The following EPB41L2 variants were observed in gnomAD, a reference collection of about 807,000 sequenced individuals.
EPB41L2 encodes band 4.1-like protein 2.
A neutral mutation model predicts 113.0 loss-of-function variants in EPB41L2; 43 were observed. The observed-to-expected ratio is 0.38, with a 90% CI of 0.30 to 0.49. EPB41L2 has a LOEUF of 0.49. EPB41L2 is among the 20% of genes least tolerant of loss of function. EPB41L2 has a pLI of 0.95. For synonymous variants in EPB41L2, 442 were observed against 436.7 expected (o/e 1.01, Z -0.15); for missense variants, 1,147 against 1,223.4 (o/e 0.94, Z 0.93).
At chr6:130,865,467 G>A (rs1200500999) in intron 17 of EPB41L2, 69 bp downstream of exon 17, 5 of 1,478,004 alleles carry the variant, frequency 3.4e-6, no homozygotes, top group Non-Finnish European at 3.8e-6. Flanking sequence ...CAGGAAGAGA[G>A]AAACAATTCA....
At chr6:130,980,320 T>C (rs1273144509) in intron 1 of EPB41L2, among the ~76,000 whole-genome samples, 1 of 152,094 alleles carries the variant, frequency 6.6e-6, no homozygotes, top group Admixed American at 6.6e-5. Context: ...TAGGCTGTTT[T>C]TGTTTGGTGC....
chr6:130,941,411 C>A (rs557712954), intron 3 of EPB41L2, among the ~76,000 whole-genome samples: 1 of 152,138 alleles, frequency 6.6e-6, no homozygotes, highest in Non-Finnish European at 1.5e-5. Flanking sequence ...GAAGCGCACA[C>A]CAAATTTTTT....
At chr6:130,890,265 A>T in intron 11 of EPB41L2, 29 bp downstream of exon 11, 2 of 1,584,174 alleles carry the variant, frequency 1.3e-6, no homozygotes, top group South Asian at 1.2e-5. Context: ...AAGATGAATG[A>T]AAATCAAAAT....
intron 1 of EPB41L2, among the ~76,000 whole-genome samples, chr6:130,997,135 A>G (rs1338006286): frequency 6.6e-6 from 1 of 152,210 alleles, no homozygotes; most frequent in East Asian, 1.9e-4. Context: ...ACACTGTTAC[A>G]TTAGAGGACT....
chr6:130,931,225 A>C (rs1806721033), intron 3 of EPB41L2, among the ~76,000 whole-genome samples: 1 of 152,176 alleles, frequency 6.6e-6, no homozygotes, highest in Admixed American at 6.5e-5. Context: ...AAATTAATAA[A>C]ATTTATTAAT....
At chr6:130,927,588 C>T (rs1805197040) in intron 3 of EPB41L2, among the ~76,000 whole-genome samples, 2 of 152,156 alleles carry the variant, frequency 1.3e-5, no homozygotes, top group Admixed American at 1.3e-4. Context: ...ACTTTTCCAT[C>T]CTCAAAACGA....
chr6:130,887,599 G>A (rs950278994), intron 11 of EPB41L2, among the ~76,000 whole-genome samples: 4 of 152,130 alleles, frequency 2.6e-5, no homozygotes, highest in Non-Finnish European at 4.4e-5. Flanking sequence ...CCTTCTCTCT[G>A]TTCCAGGAAT....
intron 3 of EPB41L2, among the ~76,000 whole-genome samples, chr6:130,942,384 T>C (rs1392219195): frequency 1.3e-5 from 2 of 152,094 alleles, no homozygotes; most frequent in African/African-American, 2.4e-5. Flanking sequence ...ACAAAAACTA[T>C]GTCAGTAACA....
intron 1 of EPB41L2, among the ~76,000 whole-genome samples, chr6:130,963,934 G>A (rs1190303986): frequency 6.6e-6 from 1 of 152,084 alleles, no homozygotes; most frequent in Non-Finnish European, 1.5e-5. Context: ...AGAAATCTTG[G>A]TGAACTGCAT....
At chr6:131,051,610 T>C (rs918956652) in intron 1 of EPB41L2, among the ~76,000 whole-genome samples, 1 of 152,016 alleles carries the variant, frequency 6.6e-6, no homozygotes, top group African/African-American at 2.4e-5. Context: ...ACTGTTTTGG[T>C]GGGGGGCCTA....
At chr6:131,017,475 GT>G (rs1193729311) in intron 1 of EPB41L2, among the ~76,000 whole-genome samples, 1 of 151,952 alleles carries the variant, frequency 6.6e-6, no homozygotes, top group Non-Finnish European at 1.5e-5. Context: ...CATATTCACA[GT>G]TTTTTTGTAT....
At chr6:130,898,786 T>C (rs1334315081) in intron 8 of EPB41L2, among the ~76,000 whole-genome samples, 8 of 152,112 alleles carry the variant, frequency 5.3e-5, no homozygotes, top group Non-Finnish European at 2.9e-5. Context: ...GTTTCTCAAA[T>C]CCCCCCTTAA....
intron 5 of EPB41L2, among the ~76,000 whole-genome samples, chr6:130,904,803 G>A (rs954917562): frequency 2.0e-5 from 3 of 151,868 alleles, no homozygotes; most frequent in African/African-American, 7.3e-5. Flanking sequence ...ACCTCAACAT[G>A]TGTTTTATAT....
intron 6 of EPB41L2, 30 bp downstream of exon 6, chr6:130,904,435 G>A (rs761090689): frequency 1.4e-6 from 2 of 1,461,624 alleles, no homozygotes; most frequent in African/African-American, 1.4e-5. Flanking sequence ...TGTAAGGAAA[G>A]GTTCATTTAA....
chr6:130,973,345 A>G (rs1236412572), intron 1 of EPB41L2, among the ~76,000 whole-genome samples: 1 of 152,006 alleles, frequency 6.6e-6, no homozygotes, highest in Non-Finnish European at 1.5e-5. Context: ...TCATTGGTTC[A>G]CAAAGGGGCA....
chr6:130,900,372 T>C (rs1795960050), intron 7 of EPB41L2, among the ~76,000 whole-genome samples: 1 of 152,202 alleles, frequency 6.6e-6, no homozygotes, highest in Non-Finnish European at 1.5e-5. Context: ...GTAGCTAGCG[T>C]TATAAAAATT....
At chr6:130,907,893 TG>T (rs1290891245) in intron 5 of EPB41L2, among the ~76,000 whole-genome samples, 1 of 152,176 alleles carries the variant, frequency 6.6e-6, no homozygotes, top group Non-Finnish European at 1.5e-5. Flanking sequence ...TCTTGCATGC[TG>T]GCACCTGGAG....
chr6:130,910,829 A>G (rs546800608), intron 4 of EPB41L2, among the ~76,000 whole-genome samples: 1 of 152,374 alleles, frequency 6.6e-6, no homozygotes, highest in South Asian at 2.1e-4. Context: ...ATGAGACACC[A>G]TCTCACGCCA....
intron 1 of EPB41L2, among the ~76,000 whole-genome samples, chr6:131,010,752 G>A (rs911136976): frequency 3.3e-5 from 5 of 152,140 alleles, no homozygotes; most frequent in African/African-American, 1.2e-4. Context: ...TCAGATTTGA[G>A]TGTGTAAATC....
Sources: gnomAD v4.1 joint callset for allele counts (sites outside exome capture counted in the v4.1 genomes callset) on GRCh38, gnomAD v4.1.1 for gene constraint, MANE v1.5 for transcripts, NCBI Gene and HGNC (gene_info 2026-07-23, HGNC 2026-07-21) for gene names.